Variants in NAV3 observed in about 807,000 individuals in gnomAD.
NAV3 encodes the protein neuron navigator 3, also known as pore membrane and/or filament interacting like protein 1.
Under a neutral mutation model 244.7 loss-of-function variants are expected in NAV3, and 87 were observed. That is an observed-to-expected ratio of 0.36 (90% CI 0.30 to 0.42). NAV3 has a LOEUF of 0.42. NAV3 is among the 20% of genes least tolerant of loss of function. The probability of loss-of-function intolerance (pLI) is 1.00; values close to 1 mark genes in which losing one functional copy is unlikely to be tolerated. For missense variants in NAV3, 2,663 were observed against 2,893.3 expected, an observed-to-expected ratio of 0.92 and a Z score of 1.83; for synonymous variants, 1,126 against 1,042.2, an observed-to-expected ratio of 1.08 and a Z score of -1.55.
intron 2 of NAV3, among the ~76,000 whole-genome samples, chr12:77,729,311 A>T (rs1423262933): frequency 1.3e-5 from 2 of 151,996 alleles, no homozygotes; most frequent in Non-Finnish European, 1.5e-5. Flanking sequence ...GACTGTCATT[A>T]CTGATCCTTC....
intron 12 of NAV3, among the ~76,000 whole-genome samples, chr12:78,101,127 G>A (rs1234250442): frequency 1.3e-5 from 2 of 152,132 alleles, no homozygotes; most frequent in East Asian, 1.9e-4. Flanking sequence ...GATTGGATTC[G>A]TTATTGATTT....
At chr12:77,633,447 T>TA (rs1314578244) in intron 2 of NAV3, among the ~76,000 whole-genome samples, 1 of 152,094 alleles carries the variant, frequency 6.6e-6, no homozygotes, top group East Asian at 1.9e-4. Flanking sequence ...AATGAATAGC[T>TA]AAAACGGGCA....
chr12:78,038,735 CTT>C (rs1880343841), intron 9 of NAV3, among the ~76,000 whole-genome samples: 1 of 152,140 alleles, frequency 6.6e-6, no homozygotes, highest in Non-Finnish European at 1.5e-5. Flanking sequence ...CTTTATGAAG[CTT>C]TTTCTTTTTT....
chr12:77,819,652 A>T (rs572066278), intron 2 of NAV3, among the ~76,000 whole-genome samples: 1 of 152,226 alleles, frequency 6.6e-6, no homozygotes, highest in African/African-American at 2.4e-5. Flanking sequence ...TGTTTTATGA[A>T]AATATTTAGC....
intron 2 of NAV3, among the ~76,000 whole-genome samples, chr12:77,738,969 GCTACTGCA>G (rs1481654476): frequency 8.0e-6 from 1 of 124,732 alleles, no homozygotes; most frequent in Non-Finnish European, 1.6e-5. Context: ...CCGAGATCGC[GCTACTGCA>G]CTCCAGCATG....
intron 2 of NAV3, among the ~76,000 whole-genome samples, chr12:77,614,888 A>T (rs1394079956): frequency 1.3e-5 from 2 of 152,194 alleles, no homozygotes; most frequent in East Asian, 1.9e-4. Flanking sequence ...ATCATCAAGG[A>T]TGTGCTCCTT....
chr12:77,998,265 C>A, intron 6 of NAV3, 72 bp from the exon 7 acceptor site: 1 of 1,188,492 alleles, frequency 8.4e-7, no homozygotes, highest in Admixed American at 2.9e-5. Context: ...AAATTTCTGA[C>A]TTTCAGCACC....
chr12:77,965,936 T>G (rs1326514863), intron 3 of NAV3, among the ~76,000 whole-genome samples: 1 of 152,158 alleles, frequency 6.6e-6, no homozygotes, highest in Non-Finnish European at 1.5e-5. Context: ...GGGGACTTAT[T>G]TGCAAAATAC....
chr12:77,639,513 A>G (rs1872302459), intron 2 of NAV3, among the ~76,000 whole-genome samples: 1 of 152,162 alleles, frequency 6.6e-6, no homozygotes. Context: ...AGATTTTTCT[A>G]CTTTGTTCAT....
chr12:78,018,123 A>T (rs1593290512), intron 8 of NAV3, among the ~76,000 whole-genome samples: 1 of 152,128 alleles, frequency 6.6e-6, no homozygotes, highest in Non-Finnish European at 1.5e-5. Flanking sequence ...TAGATCACTC[A>T]TGTAGGGAAT....
chr12:77,971,131 A>G (rs1892965477), intron 5 of NAV3, among the ~76,000 whole-genome samples: 1 of 152,104 alleles, frequency 6.6e-6, no homozygotes, highest in Non-Finnish European at 1.5e-5. Context: ...AGTTTAAAAT[A>G]TAAAGCCATG....
intron 30 of NAV3, among the ~76,000 whole-genome samples, chr12:78,182,441 A>C (rs1958537732): frequency 6.6e-6 from 1 of 152,006 alleles, no homozygotes; most frequent in South Asian, 2.1e-4. Context: ...TATAGGTCAG[A>C]CTAATGGTAG....
At position 78,176,102 on chromosome 12, in the gene NAV3, T is replaced by C. The variant is rs186017673; in HGVS notation, c.5104-337T>C. Among the ~76,000 whole-genome samples, 88 of 152,158 alleles carry C rather than the reference T, an allele frequency of 5.8e-4. 1 individual carries two copies. Among genetic ancestry groups the C allele is most frequent in the African/African-American group, 2.0e-3 (83 of 41,564 alleles). ...ATAGCAGAAATATAGAAATGCACTTTAACAGAACTGTACCTTAAGTTTGCT... is the reference window on the plus strand; with the variant it reads ...ATAGCAGAAATATAGAAATGCACTTCAACAGAACTGTACCTTAAGTTTGCT... On this transcript the variant is annotated intron_variant, in intron 25 of 39. Coordinates refer to ENST00000397909, the MANE Select transcript of NAV3 (RefSeq NM_001024383.2).
At chr12:77,879,083 T>A (rs1394625290) in intron 1 of NAV3, among the ~76,000 whole-genome samples, 1 of 151,986 alleles carries the variant, frequency 6.6e-6, no homozygotes. Flanking sequence ...GAACCCACAG[T>A]GGAGGTTTGT....
chr12:77,904,562 G>A (rs977112709), intron 1 of NAV3, among the ~76,000 whole-genome samples: 1 of 152,144 alleles, frequency 6.6e-6, no homozygotes, highest in African/African-American at 2.4e-5. Flanking sequence ...GTTAATGGGT[G>A]CAGCACACCA....
chr12:77,680,126 A>G lies in NAV3; in HGVS notation c.72+107860A>G, dbSNP rs371633496. On this transcript the variant is annotated intron_variant, in intron 2 of 8. Coordinates refer to the NAV3 transcript ENST00000550042. ...GTTAGAAGGCACAGGGAAAGGGGGT[A>G]TTGACTGATGGAGGGACAGACAGAA... Among the ~76,000 whole-genome samples the G allele has an allele frequency of 1.3e-4, 20 of 152,240 alleles. No individual in the cohort carries two copies. The East Asian group carries it at 1.7e-3, about 13-fold the overall frequency.
intron 3 of NAV3, among the ~76,000 whole-genome samples, chr12:77,956,362 G>T (rs917294449): frequency 6.6e-6 from 1 of 152,106 alleles, no homozygotes; most frequent in Non-Finnish European, 1.5e-5. Flanking sequence ...CCAAAGTTAG[G>T]ATTGGTTTAC....
At chr12:77,760,644 A>G (rs191473933) in intron 2 of NAV3, among the ~76,000 whole-genome samples, 2 of 152,338 alleles carry the variant, frequency 1.3e-5, no homozygotes, top group East Asian at 3.9e-4. Context: ...AATTAAAGAA[A>G]CATTATCAGT....
At chr12:77,993,620 C>T (rs573684879) in intron 5 of NAV3, among the ~76,000 whole-genome samples, 3 of 152,222 alleles carry the variant, frequency 2.0e-5, no homozygotes, top group African/African-American at 7.2e-5. Flanking sequence ...ATTTTAAGGA[C>T]CTGCAAGCTC....
Sources: gnomAD v4.1 joint callset for allele counts (sites outside exome capture counted in the v4.1 genomes callset) on GRCh38, gnomAD v4.1.1 for gene constraint, MANE v1.5 for transcripts, NCBI Gene and HGNC (gene_info 2026-07-23, HGNC 2026-07-21) for gene names.